The following TTLL11 variants were observed in gnomAD, a reference collection of about 807,000 sequenced individuals.
TTLL11 encodes the protein tubulin polyglutamylase TTLL11.
In TTLL11, 42 loss-of-function variants were observed where a neutral mutation model predicts 51.7. The ratio of observed to expected loss-of-function variants is 0.81; its 90% CI spans 0.64 to 1.05. The LOEUF (loss-of-function observed/expected upper bound fraction) is 1.05. TTLL11 is among the 50% of genes least tolerant of loss of function. TTLL11 has a pLI of 0.00. For missense variants in TTLL11, 799 were observed against 940.4 expected (o/e 0.85, Z 1.97); for synonymous variants, 381 against 383.5 (o/e 0.99, Z 0.08).
At chr9:121,963,017 G>A (rs542139262) in intron 6 of TTLL11, among the ~76,000 whole-genome samples, 19 of 152,296 alleles carry the variant, frequency 1.2e-4, no homozygotes, top group Non-Finnish European at 1.9e-4. Context: ...CTCTTGCAGG[G>A]CGAGAGCTAG....
rs76364024 is a variant in TTLL11, at chr9:121,839,156, A to T, written c.1841-16277T>A. 7.5e-3 allele frequency among the ~76,000 whole-genome samples: 1,136 copies of T among 152,322 alleles called. 15 individuals carry two copies. The highest frequency in any genetic ancestry group is 0.026 in the African/African-American group (1,087 of 41,564). Reference sequence around the variant, plus strand: ...GGTCCTCTCTGTCCTCCTCATTAAAACTTATTTCACAGAACGCATCACAAC... The same window carrying T: ...GGTCCTCTCTGTCCTCCTCATTAAATCTTATTTCACAGAACGCATCACAAC... On this transcript the variant is annotated intron_variant, in intron 8 of 8. Transcript: ENST00000321582.
intron 8 of TTLL11, among the ~76,000 whole-genome samples, chr9:121,827,261 G>A (rs930140463): frequency 6.6e-6 from 1 of 152,160 alleles, no homozygotes; most frequent in African/African-American, 2.4e-5. Context: ...TAGGTCAGGT[G>A]AATGGTGGCT....
At chr9:122,027,007 G>A (rs1407492629) in intron 3 of TTLL11, among the ~76,000 whole-genome samples, 1 of 151,956 alleles carries the variant, frequency 6.6e-6, no homozygotes, top group East Asian at 1.9e-4. Flanking sequence ...AAAGAAAAGA[G>A]GTTTAATTGG....
chr9:121,940,854 A>C (rs935752776), intron 6 of TTLL11, among the ~76,000 whole-genome samples: 9 of 152,170 alleles, frequency 5.9e-5, no homozygotes, highest in African/African-American at 1.7e-4. Flanking sequence ...TAACTTCTTA[A>C]GGCATGCTTC....
At chr9:122,018,870 A>C (rs1320626502) in intron 3 of TTLL11, among the ~76,000 whole-genome samples, 1 of 152,248 alleles carries the variant, frequency 6.6e-6, no homozygotes, top group Non-Finnish European at 1.5e-5. Flanking sequence ...GGAAGACCAG[A>C]GCAGTCACCT....
intron 6 of TTLL11, among the ~76,000 whole-genome samples, chr9:121,955,666 T>G (rs532052066): frequency 7.9e-5 from 12 of 152,326 alleles, no homozygotes; most frequent in African/African-American, 2.9e-4. Context: ...CCTTTGCCTT[T>G]TCCACTGCAC....
chr9:121,924,286 T>A (rs1328891837), intron 6 of TTLL11, among the ~76,000 whole-genome samples: 1 of 152,206 alleles, frequency 6.6e-6, no homozygotes, highest in Non-Finnish European at 1.5e-5. Flanking sequence ...CGGCGTGTAG[T>A]GACGCCGTTG....
Position 122,011,183 on chromosome 9 carries a change from AT to A in TTLL11, c.693+20539del, listed in dbSNP as rs537345042. The stretch of plus-strand genomic sequence containing the variant: ...TCTCACTTGCCTGCCACCATGTAAG[AT>A]GTACCTTTTGCCTTCCGCCACGATT... On this transcript the variant is annotated intron_variant, in intron 3 of 8. Transcript: ENST00000321582. 4.9e-4 allele frequency among the ~76,000 whole-genome samples: 75 copies of A among 152,278 alleles called. No homozygotes were observed. The Middle Eastern group carries it at 0.01, about 21-fold the overall frequency.
intron 6 of TTLL11, among the ~76,000 whole-genome samples, chr9:121,877,135 C>T (rs974465075): frequency 6.6e-6 from 1 of 152,208 alleles, no homozygotes; most frequent in African/African-American, 2.4e-5. Context: ...AACAGGTCCC[C>T]GTCCCTGCTG....
intron 1 of TTLL11, among the ~76,000 whole-genome samples, chr9:122,043,722 T>C (rs1844912655): frequency 1.3e-5 from 2 of 151,942 alleles, no homozygotes; most frequent in South Asian, 4.1e-4. Flanking sequence ...AGATAAAAAT[T>C]AAAAACTTTT....
intron 1 of TTLL11, among the ~76,000 whole-genome samples, chr9:122,090,599 G>A (rs779831235): frequency 3.8e-4 from 57 of 151,994 alleles, no homozygotes; most frequent in Non-Finnish European, 6.3e-4. Flanking sequence ...TCTACCTCCC[G>A]CAGCATTTCT....
At chr9:122,004,579 C>A (rs1332005124) in intron 3 of TTLL11, among the ~76,000 whole-genome samples, 1 of 152,178 alleles carries the variant, frequency 6.6e-6, no homozygotes, top group African/African-American at 2.4e-5. Flanking sequence ...TCTCAAACTC[C>A]TGACCTCAGG....
chr9:121,894,549 A>G (rs2131452431), intron 6 of TTLL11, among the ~76,000 whole-genome samples: 1 of 152,358 alleles, frequency 6.6e-6, no homozygotes, highest in East Asian at 1.9e-4. Flanking sequence ...CATATACACC[A>G]TGGAATACTA....
chr9:122,010,318 A>G (rs1417894542), intron 3 of TTLL11, among the ~76,000 whole-genome samples: 1 of 152,102 alleles, frequency 6.6e-6, no homozygotes, highest in African/African-American at 2.4e-5. Context: ...AAATACATCT[A>G]TTTTTTCTTG....
chr9:121,974,485 G>T (rs747643989), intron 5 of TTLL11, among the ~76,000 whole-genome samples: 50 of 152,044 alleles, frequency 3.3e-4, no homozygotes, highest in Non-Finnish European at 5.9e-4. Context: ...TGCATTTTTT[G>T]GGGGAGGGGG....
In TTLL11 at chr9:121,822,044, GGTTAATCTGTTCACTACACCCAT is replaced by G. The variant is rs1305970142; in HGVS notation, c.*520_*542del. The G allele has an allele frequency of 6.6e-6, 1 of 152,186 alleles. No homozygotes were observed. The highest frequency in any genetic ancestry group is 2.4e-5 in the African/African-American group (1 of 41,422). The allele number at this position is 152,186 out of a possible 1,614,324, so 9.4% of individuals were successfully genotyped here. On this transcript the variant is annotated 3_prime_UTR_variant, in exon 9 of 9. Coordinates refer to ENST00000321582, the MANE Select transcript of TTLL11 (RefSeq NM_001139442.2). The surrounding 1 kb of genome is among the most constrained non-coding windows in gnomAD (Gnocchi z 5.8). Reference sequence around the variant, plus strand: ...ACAGGCAAGCTAATGAACTAAATGAGGTTAATCTGTTCACTACACCCATGTAGCACATGACTGGGATGGGAGAT... The same window carrying G: ...ACAGGCAAGCTAATGAACTAAATGAGGTAGCACATGACTGGGATGGGAGAT...
intron 6 of TTLL11, among the ~76,000 whole-genome samples, chr9:121,959,827 G>A (rs1010064274): frequency 6.6e-6 from 1 of 151,904 alleles, no homozygotes; most frequent in African/African-American, 2.4e-5. Context: ...ATTAGGCCCT[G>A]CAGCTCTGGC....
At chr9:122,082,001 T>C (rs966023201) in intron 1 of TTLL11, among the ~76,000 whole-genome samples, 2 of 152,148 alleles carry the variant, frequency 1.3e-5, no homozygotes. Flanking sequence ...AAATGTAAAT[T>C]AAAAGAACAC....
chr9:121,996,349 C>T (rs931923317), intron 3 of TTLL11, among the ~76,000 whole-genome samples: 4 of 152,192 alleles, frequency 2.6e-5, no homozygotes, highest in African/African-American at 7.2e-5. Flanking sequence ...TGGCCTGCAA[C>T]CCTCTATACA....
Sources: allele counts gnomAD v4.1 joint callset (sites outside exome capture counted in the v4.1 genomes callset), GRCh38; gene constraint gnomAD v4.1.1; non-coding constraint Gnocchi (gnomAD v3.1); transcripts MANE v1.5; gene names NCBI Gene and HGNC (gene_info 2026-07-23, HGNC 2026-07-21).